The following TMCC3 variants were observed in gnomAD, a reference collection of about 807,000 sequenced individuals.
The protein encoded by TMCC3 is transmembrane and coiled-coil domain protein 3.
Under a neutral mutation model 40.2 loss-of-function variants are expected in TMCC3, and 28 were observed. The observed-to-expected ratio is 0.70, with a 90% CI of 0.52 to 0.95. TMCC3 has a LOEUF of 0.95. Among genes scored for constraint, TMCC3 ranks in the 40% least tolerant of loss-of-function variants. TMCC3 has a pLI of 0.00. For missense variants in TMCC3, 554 were observed against 615.2 expected, an observed-to-expected ratio of 0.90 and a Z score of 1.05; for synonymous variants, 255 against 248.5, an observed-to-expected ratio of 1.03 and a Z score of -0.25.
At chr12:94,601,936 C>T (rs539220336) in intron 1 of TMCC3, among the ~76,000 whole-genome samples, 3 of 151,318 alleles carry the variant, frequency 2.0e-5, no homozygotes, top group Admixed American at 6.6e-5. Flanking sequence ...ATTGTTGAAT[C>T]TGGGTAAGGT....
chr12:94,596,202 G>T (rs947601006), intron 1 of TMCC3, among the ~76,000 whole-genome samples: 30 of 152,148 alleles, frequency 2.0e-4, no homozygotes, highest in Non-Finnish European at 8.8e-5. Flanking sequence ...GGTAAGGCTG[G>T]ACCTTTATAT....
chr12:94,593,496 G>A (rs542892949), intron 1 of TMCC3, among the ~76,000 whole-genome samples: 83 of 150,922 alleles, frequency 5.5e-4, no homozygotes, highest in Admixed American at 2.4e-3. Context: ...CCTGAGAGCT[G>A]GTAAAGTAAA....
intron 1 of TMCC3, among the ~76,000 whole-genome samples, chr12:94,643,668 A>G (rs2069002826): frequency 1.3e-5 from 2 of 152,212 alleles, no homozygotes; most frequent in Admixed American, 6.5e-5. Flanking sequence ...ACTACGTGCA[A>G]AAGACTGGCA....
intron 2 of TMCC3, among the ~76,000 whole-genome samples, chr12:94,580,564 A>G (rs2366628): frequency 0.65 from 98,975 of 151,922 alleles, 33,615 homozygotes; most frequent in African/African-American, 0.86. Flanking sequence ...GTGAAACCCC[A>G]TCTCTACTAA....
chr12:94,626,780 A>C (rs2138872880), intron 1 of TMCC3, among the ~76,000 whole-genome samples: 1 of 152,274 alleles, frequency 6.6e-6, no homozygotes, highest in Admixed American at 6.5e-5. Flanking sequence ...CCTTGTATTT[A>C]CGTTATCTTA....
chr12:94,568,789 CA>C lies in TMCC3; in HGVS notation c.*2645del, dbSNP rs2068509796. On this transcript the variant is annotated 3_prime_UTR_variant, in exon 4 of 4. Coordinates refer to ENST00000261226, the MANE Select transcript of TMCC3 (RefSeq NM_020698.4). ...ATATGCCAGGTAGGTTGAGCCTATC[CA>C]AGTGAAAACAAGGTTATTTGACATT... 1 of 152,070 alleles carries C rather than the reference CA, an allele frequency of 6.6e-6. No individual in the cohort carries two copies. Among genetic ancestry groups the C allele is most frequent in the South Asian group, 2.1e-4 (1 of 4,820 alleles). The allele number at this position is 152,070 out of a possible 1,614,324, so 9.4% of individuals were successfully genotyped here.
At chr12:94,621,940 C>T (rs970875762) in intron 1 of TMCC3, among the ~76,000 whole-genome samples, 1 of 152,144 alleles carries the variant, frequency 6.6e-6, no homozygotes, top group African/African-American at 2.4e-5. Context: ...AACCTGCCCT[C>T]GGAATTCTTT....
intron 2 of TMCC3, 118 bp downstream of exon 2, chr12:94,581,504 A>G (rs2068600725): frequency 3.4e-6 from 2 of 589,156 alleles, no homozygotes; most frequent in Non-Finnish European, 5.1e-6. Flanking sequence ...CCTATCACGT[A>G]CCCACTAAGT....
intron 1 of TMCC3, among the ~76,000 whole-genome samples, chr12:94,636,602 A>G (rs1357993156): frequency 1.3e-5 from 2 of 152,268 alleles, no homozygotes; most frequent in Non-Finnish European, 2.9e-5. Context: ...GCCCCTAATC[A>G]GTTGATTTTA....
chr12:94,650,314 C>CT, intron 1 of TMCC3, 39 bp downstream of exon 1: 5 of 1,214,638 alleles, frequency 4.1e-6, no homozygotes, highest in Non-Finnish European at 5.1e-6. Flanking sequence ...CGCCCCCGGG[C>CT]CCGCGCGCAC....
intron 1 of TMCC3, among the ~76,000 whole-genome samples, chr12:94,584,718 G>A (rs566012864): frequency 6.6e-6 from 1 of 151,978 alleles, no homozygotes; most frequent in Admixed American, 6.6e-5. Context: ...TTGTCATGAA[G>A]GAGAGACACT....
chr12:94,587,143 A>ATG (rs2068642981), intron 1 of TMCC3, among the ~76,000 whole-genome samples: 1 of 152,220 alleles, frequency 6.6e-6, no homozygotes, highest in Non-Finnish European at 1.5e-5. Context: ...ACCCTATACA[A>ATG]TACACTATAC....
chr12:94,580,596 G>A (rs563544073), intron 2 of TMCC3, among the ~76,000 whole-genome samples: 4 of 152,236 alleles, frequency 2.6e-5, no homozygotes, highest in South Asian at 2.1e-4. Context: ...TTAGCTGGGC[G>A]TGGTGGTGGG....
chr12:94,642,799 G>A (rs1483962102), intron 1 of TMCC3, among the ~76,000 whole-genome samples: 5 of 152,162 alleles, frequency 3.3e-5, no homozygotes, highest in South Asian at 2.1e-4. Flanking sequence ...TGCTTTACAC[G>A]TACTACACCG....
chr12:94,629,417 A>G (rs2068920611), intron 1 of TMCC3, among the ~76,000 whole-genome samples: 1 of 152,196 alleles, frequency 6.6e-6, no homozygotes, highest in East Asian at 1.9e-4. Flanking sequence ...GCCACTCTGC[A>G]TCATTATTAT....
intron 1 of TMCC3, among the ~76,000 whole-genome samples, chr12:94,585,064 T>G (rs2068629982): frequency 6.6e-6 from 1 of 152,158 alleles, no homozygotes; most frequent in South Asian, 2.1e-4. Context: ...AACTGTACAA[T>G]CACTGAGGCT....
intron 1 of TMCC3, among the ~76,000 whole-genome samples, chr12:94,641,217 A>G (rs1197197146): frequency 6.6e-6 from 1 of 151,714 alleles, no homozygotes; most frequent in African/African-American, 2.4e-5. Context: ...AAAAGAAAAG[A>G]AAAGAAATAA....
chr12:94,578,146 CAAAAAAAAAA>C (rs1183420863), intron 3 of TMCC3, among the ~76,000 whole-genome samples: 3 of 34,854 alleles, frequency 8.6e-5, no homozygotes, highest in African/African-American at 3.7e-4. Flanking sequence ...AGACTCACCT[CAAAAAAAAAA>C]AAAAAAAAAA....
intron 1 of TMCC3, among the ~76,000 whole-genome samples, chr12:94,629,145 C>T (rs2068918885): frequency 6.6e-6 from 1 of 152,168 alleles, no homozygotes; most frequent in South Asian, 2.1e-4. Flanking sequence ...TATATACACA[C>T]ATATACAAAA....
Sources: gnomAD v4.1 joint callset for allele counts (sites outside exome capture counted in the v4.1 genomes callset) on GRCh38, gnomAD v4.1.1 for gene constraint, MANE v1.5 for transcripts, NCBI Gene and HGNC (gene_info 2026-07-23, HGNC 2026-07-21) for gene names.